The following SAMTOR variants were observed in gnomAD, a reference collection of about 807,000 sequenced individuals.
SAMTOR encodes S-adenosylmethionine sensor upstream of mTORC1.
chr7:112,935,199 T>A, the SAMTOR span: 1 of 437,794 alleles, frequency 2.3e-6, no homozygotes, highest in South Asian at 1.7e-5. Flanking sequence ...GAGAAAAGAA[T>A]CTGTTCAAAG....
the SAMTOR span, among the ~76,000 whole-genome samples, chr7:112,910,048 C>G: frequency 1.1e-3 from 174 of 152,034 alleles, 1 homozygote; most frequent in African/African-American, 4.1e-3. Flanking sequence ...GAAGCAAAGA[C>G]TCATCTTTGT....
chr7:112,842,273 C>G, the SAMTOR span, among the ~76,000 whole-genome samples: 1 of 151,420 alleles, frequency 6.6e-6, no homozygotes, highest in African/African-American at 2.4e-5. Context: ...TTGGGATATT[C>G]TATGGTTTCA....
At chr7:112,883,087 A>G in the SAMTOR span, among the ~76,000 whole-genome samples, 1 of 152,318 alleles carries the variant, frequency 6.6e-6, no homozygotes, top group East Asian at 1.9e-4. Flanking sequence ...TTTTAAGAAT[A>G]TGTCCAATAT....
At chr7:112,857,914 G>A in the SAMTOR span, among the ~76,000 whole-genome samples, 1 of 152,154 alleles carries the variant, frequency 6.6e-6, no homozygotes, top group Admixed American at 6.5e-5. Context: ...TAGGAGGTGA[G>A]CAAACACTGG....
the SAMTOR span, among the ~76,000 whole-genome samples, chr7:112,838,158 G>C: frequency 6.6e-6 from 1 of 151,904 alleles, no homozygotes; most frequent in Non-Finnish European, 1.5e-5. Flanking sequence ...TCAGTTGGGA[G>C]GTTTATGTGT....
the SAMTOR span, among the ~76,000 whole-genome samples, chr7:112,861,174 CTT>C: frequency 6.6e-6 from 1 of 152,078 alleles, no homozygotes; most frequent in African/African-American, 2.4e-5. Flanking sequence ...TATTTCATCT[CTT>C]ATTTATAGCA....
the SAMTOR span, among the ~76,000 whole-genome samples, chr7:112,911,294 C>T: frequency 6.6e-6 from 1 of 152,144 alleles, no homozygotes; most frequent in Non-Finnish European, 1.5e-5. Flanking sequence ...AAGAGAGTTG[C>T]ACCTGTAATA....
chr7:112,838,904 G>A, the SAMTOR span, among the ~76,000 whole-genome samples: 2 of 151,194 alleles, frequency 1.3e-5, no homozygotes, highest in Non-Finnish European at 1.5e-5. Context: ...ATGAGGGAAC[G>A]GAGGGAAAAA....
At chr7:112,919,777 A>G in the SAMTOR span, among the ~76,000 whole-genome samples, 2 of 152,084 alleles carry the variant, frequency 1.3e-5, no homozygotes, top group African/African-American at 2.4e-5. Context: ...ATCACCACCG[A>G]TCCCACAGAA....
chr7:112,830,053 C>T, the SAMTOR span, among the ~76,000 whole-genome samples: 4 of 152,020 alleles, frequency 2.6e-5, no homozygotes, highest in African/African-American at 9.7e-5. Flanking sequence ...ATTCTAGAAA[C>T]TCTAGCTGCC....
chr7:112,916,556 G>A, the SAMTOR span, among the ~76,000 whole-genome samples: 60 of 152,286 alleles, frequency 3.9e-4, no homozygotes, highest in African/African-American at 1.2e-3. Flanking sequence ...CTGAGGTACC[G>A]GGTTCATCTC....
the SAMTOR span, among the ~76,000 whole-genome samples, chr7:112,838,117 G>C: frequency 1.3e-5 from 2 of 151,998 alleles, no homozygotes; most frequent in East Asian, 3.9e-4. Context: ...GTGAGAGAGC[G>C]GAAACAAGGC....
At chr7:112,926,792 A>G in the SAMTOR span, among the ~76,000 whole-genome samples, 3 of 152,222 alleles carry the variant, frequency 2.0e-5, no homozygotes, top group African/African-American at 7.2e-5. Flanking sequence ...TGGAAATGCT[A>G]TAAAAGAGAT....
At chr7:112,922,254 A>G in the SAMTOR span, among the ~76,000 whole-genome samples, 2 of 152,324 alleles carry the variant, frequency 1.3e-5, no homozygotes, top group East Asian at 3.9e-4. Flanking sequence ...TCATTCACTC[A>G]GTGCTCAATG....
chr7:112,924,787 T>G, the SAMTOR span, among the ~76,000 whole-genome samples: 3 of 148,302 alleles, frequency 2.0e-5, no homozygotes, highest in African/African-American at 7.5e-5. Flanking sequence ...TCATAATAAA[T>G]TATGATTTAT....
chr7:112,835,219 T>A, the SAMTOR span, among the ~76,000 whole-genome samples: 1 of 152,106 alleles, frequency 6.6e-6, no homozygotes, highest in Admixed American at 6.6e-5. Context: ...ATTGTTTATC[T>A]GTATATTATT....
chr7:112,891,793 G>C, the SAMTOR span, among the ~76,000 whole-genome samples: 101 of 152,328 alleles, frequency 6.6e-4, no homozygotes, highest in Middle Eastern at 6.8e-3. Context: ...GTCATCATTT[G>C]AGCCTCCAGC....
the SAMTOR span, among the ~76,000 whole-genome samples, chr7:112,837,807 T>C: frequency 1.3e-5 from 2 of 151,934 alleles, no homozygotes; most frequent in Non-Finnish European, 2.9e-5. Flanking sequence ...AGGTCTCTGG[T>C]CATAACATTT....
chr7:112,914,865 T>C, the SAMTOR span, among the ~76,000 whole-genome samples: 2 of 152,178 alleles, frequency 1.3e-5, no homozygotes, highest in Non-Finnish European at 2.9e-5. Flanking sequence ...GGGAGAAAAG[T>C]TGTTTTAAAA....
Sources: gnomAD v4.1 joint callset for allele counts (sites outside exome capture counted in the v4.1 genomes callset) on GRCh38, gnomAD v4.1.1 for gene constraint, MANE v1.5 for transcripts, NCBI Gene and HGNC (gene_info 2026-07-23, HGNC 2026-07-21) for gene names.